The following BCAS3 variants were observed in gnomAD, a reference collection of about 807,000 sequenced individuals.
The protein encoded by BCAS3 is BCAS3 microtubule associated cell migration factor.
BCAS3 carries 53 observed loss-of-function variants against 116.1 expected under a neutral mutation model. The ratio of observed to expected loss-of-function variants is 0.46; its 90% CI spans 0.37 to 0.57. The LOEUF (loss-of-function observed/expected upper bound fraction) is 0.57. Ranked by LOEUF, BCAS3 falls within the 20% of genes least tolerant of loss-of-function variation. The probability of loss-of-function intolerance (pLI) is 0.00; values close to 1 mark genes in which losing one functional copy is unlikely to be tolerated. For missense variants in BCAS3, 917 were observed against 1,165.4 expected (o/e 0.79, Z 3.10); for synonymous variants, 391 against 408.2 (o/e 0.96, Z 0.51).
At position 61,248,403 on chromosome 17, in the gene BCAS3, A is replaced by G. The variant is rs1397265573; in HGVS notation, c.2426-119924A>G. On this transcript the variant is annotated intron_variant, in intron 22 of 23. Coordinates refer to ENST00000407086, the MANE Select transcript of BCAS3 (RefSeq NM_017679.5). This position sits in a 1 kb window ranked among gnomAD's most constrained non-coding sequence, Gnocchi z 4.3. ...AAAGAAAATCTAAAGGACCATTCCTATGATTATTGCAACCCATTTCTCAGG... is the reference window on the plus strand; with the variant it reads ...AAAGAAAATCTAAAGGACCATTCCTGTGATTATTGCAACCCATTTCTCAGG... 6.6e-6 allele frequency among the ~76,000 whole-genome samples: 1 copy of G among 152,214 alleles called. No homozygotes were observed. Among genetic ancestry groups the G allele is most frequent in the Non-Finnish European group, 1.5e-5 (1 of 68,054 alleles).
At chr17:60,792,274 C>A (rs1384291409) in intron 6 of BCAS3, among the ~76,000 whole-genome samples, 2 of 152,234 alleles carry the variant, frequency 1.3e-5, no homozygotes, top group Non-Finnish European at 2.9e-5. Flanking sequence ...GAAGCCCCAC[C>A]TTCTGAGTTG....
At chr17:60,975,546 G>A (rs560375981) in intron 14 of BCAS3, among the ~76,000 whole-genome samples, 1 of 152,250 alleles carries the variant, frequency 6.6e-6, no homozygotes, top group African/African-American at 2.4e-5. Flanking sequence ...ATTTGTTGAG[G>A]TATAATTCAC....
rs200116309 is a variant in BCAS3, at chr17:60,685,814, A to G, written c.138+1778A>G. Among the ~76,000 whole-genome samples the G allele has an allele frequency of 3.9e-5, 6 of 152,118 alleles. No individual in the cohort carries two copies. The East Asian group carries it at 1.2e-3, about 29-fold the overall frequency. On this transcript the variant is annotated intron_variant, in intron 3 of 23. Transcript: ENST00000407086. ...AATGGTGAGACGTCGTCATTTTAGC[A>G]CCTACTGACCATAGGTTGCTTAGGA...
At chr17:61,059,932 C>T (rs1431415286) in intron 19 of BCAS3, among the ~76,000 whole-genome samples, 2 of 151,428 alleles carry the variant, frequency 1.3e-5, no homozygotes, top group Non-Finnish European at 2.9e-5. Flanking sequence ...AAGGCTGAGG[C>T]AGGACAATCT....
chr17:60,780,927 A>G (rs2045769907), intron 6 of BCAS3, among the ~76,000 whole-genome samples: 3 of 152,082 alleles, frequency 2.0e-5, no homozygotes, highest in Admixed American at 1.3e-4. Flanking sequence ...TTGACGCTTT[A>G]AAGTAATTTG....
At chr17:61,133,730 G>T (rs2076460090) in intron 22 of BCAS3, among the ~76,000 whole-genome samples, 1 of 151,818 alleles carries the variant, frequency 6.6e-6, no homozygotes, top group Non-Finnish European at 1.5e-5. Context: ...TTGAGGATCT[G>T]GGAACACATC....
At chr17:60,816,854 A>G (rs1041507810) in intron 7 of BCAS3, among the ~76,000 whole-genome samples, 3 of 152,158 alleles carry the variant, frequency 2.0e-5, no homozygotes, top group Admixed American at 6.5e-5. Flanking sequence ...TGGTGGAGTT[A>G]TGCCGGTTCG....
At chr17:61,117,270 T>C (rs1320791107) in intron 22 of BCAS3, among the ~76,000 whole-genome samples, 1 of 152,180 alleles carries the variant, frequency 6.6e-6, no homozygotes, top group Non-Finnish European at 1.5e-5. Flanking sequence ...TAGCTTTTTA[T>C]TTTAGTTATT....
rs1175865161 is a variant in BCAS3 at position 60,934,122 on chromosome 17, A to AC, written c.1087+9623dup. On this transcript the variant is annotated intron_variant, in intron 13 of 23. Coordinates refer to ENST00000407086, the MANE Select transcript of BCAS3 (RefSeq NM_017679.5). ...GATTTCTTTAAAAGCAGAAAAAAAA[A>AC]CATGGTTTTAAGTTAATAGAATGGA... Among the ~76,000 whole-genome samples, 174 of 152,112 alleles carry AC rather than the reference A, an allele frequency of 1.1e-3. 1 individual carries two copies. Among genetic ancestry groups the AC allele is most frequent in the African/African-American group, 4.1e-3 (169 of 41,454 alleles).
intron 9 of BCAS3, among the ~76,000 whole-genome samples, chr17:60,879,688 T>A (rs2055938062): frequency 6.6e-6 from 1 of 152,226 alleles, no homozygotes; most frequent in Non-Finnish European, 1.5e-5. Context: ...CTTGTTCCAT[T>A]GGCCTCTGTT....
rs2077119613 is a variant in BCAS3, at chr17:61,145,032, G to A, written c.2425+60468G>A. On this transcript the variant is annotated intron_variant, in intron 22 of 23. Coordinates refer to ENST00000407086, the MANE Select transcript of BCAS3 (RefSeq NM_017679.5). The surrounding 1 kb of genome is among the most constrained non-coding windows in gnomAD (Gnocchi z 5.0). ...TAGACCATAACAACTGTTAGAACAA[G>A]ATAACAACTCCAGGCCAGCTGTCAA... Among the ~76,000 whole-genome samples, 1 of 152,116 alleles carries A rather than the reference G, an allele frequency of 6.6e-6. No individual in the cohort carries two copies. The highest frequency in any genetic ancestry group is 2.4e-5 in the African/African-American group (1 of 41,420).
At position 61,082,384 on chromosome 17, in the gene BCAS3, A is replaced by T. The variant is rs879670711; in HGVS notation, c.2328-2083A>T. ...TTCTCTTTTTTTAATTATGAAGAAA[A>T]TTCAAACATGTATAAAATAAAAAGA... On this transcript the variant is annotated intron_variant, in intron 21 of 23. Coordinates refer to ENST00000407086, the MANE Select transcript of BCAS3 (RefSeq NM_017679.5). This position sits in a 1 kb window ranked among gnomAD's most constrained non-coding sequence, Gnocchi z 5.1. 6.6e-6 allele frequency among the ~76,000 whole-genome samples: 1 copy of T among 152,108 alleles called. No individual in the cohort carries two copies. The highest frequency in any genetic ancestry group is 1.5e-5 in the Non-Finnish European group (1 of 68,028).
rs929536916 is a variant in BCAS3, at chr17:61,251,544, T to A, written c.2426-116783T>A. On this transcript the variant is annotated intron_variant, in intron 22 of 23. Coordinates refer to ENST00000407086, the MANE Select transcript of BCAS3 (RefSeq NM_017679.5). This position sits in a 1 kb window ranked among gnomAD's most constrained non-coding sequence, Gnocchi z 4.7. Reference sequence around the variant, plus strand: ...GAGATTGCGCCATTCCACTCCAGCCTGGGCAACAAGAGCGAAACTCCACCT... The same window carrying A: ...GAGATTGCGCCATTCCACTCCAGCCAGGGCAACAAGAGCGAAACTCCACCT... 6.8e-6 allele frequency among the ~76,000 whole-genome samples: 1 copy of A among 147,596 alleles called. No homozygotes were observed. The highest frequency in any genetic ancestry group is 1.5e-5 in the Non-Finnish European group (1 of 67,270).
rs1014147366 is a variant in BCAS3, at chr17:61,019,891, A to G, written c.1637+3990A>G. 1.1e-4 allele frequency among the ~76,000 whole-genome samples: 16 copies of G among 152,196 alleles called. No homozygotes were observed. The highest frequency in any genetic ancestry group is 3.6e-4 in the African/African-American group (15 of 41,450). ...TTTACTCAAGCTTTGCTTTTATAAAATTCCTTTCCTAGTATTTTTAAAATA... is the reference window on the plus strand; with the variant it reads ...TTTACTCAAGCTTTGCTTTTATAAAGTTCCTTTCCTAGTATTTTTAAAATA... On this transcript the variant is annotated intron_variant, in intron 16 of 23. Transcript: ENST00000407086. This position sits in a 1 kb window ranked among gnomAD's most constrained non-coding sequence, Gnocchi z 5.6.
In BCAS3 at chr17:61,388,656, A is replaced by G; in HGVS notation, c.2594-3321A>G. Reference sequence around the variant, plus strand: ...AAAAAAAAAACAATGCCAACAGCCCAGCGTCCGTGAGCAACCCAACAGTAA... The same window carrying G: ...AAAAAAAAAACAATGCCAACAGCCCGGCGTCCGTGAGCAACCCAACAGTAA... On this transcript the variant is annotated intron_variant, in intron 23 of 23. Coordinates refer to ENST00000407086, the MANE Select transcript of BCAS3 (RefSeq NM_017679.5). The surrounding 1 kb of genome is among the most constrained non-coding windows in gnomAD (Gnocchi z 6.5). 6.5e-7 allele frequency: 1 copy of G among 1,545,220 alleles called. No individual in the cohort carries two copies. The highest frequency in any genetic ancestry group is 8.7e-7 in the Non-Finnish European group (1 of 1,152,780).
In BCAS3 at chr17:60,902,626, C is replaced by G. The variant is rs760825301; in HGVS notation, c.745C>G (p.Arg249Gly). 16 of 1,607,840 alleles carry G rather than the reference C, an allele frequency of 1.0e-5. No homozygotes were observed. In the South Asian group the frequency reaches 1.8e-4, roughly 18 times the overall value. ...CTCTCTCTCTTTTTCTCAGTTGATT[C>G]GATGTCATCAGTCCCGTGGTGGAGC... ...WLAYAENKLI[R>G]CHQSRGGACG... Residue 249 changes from arginine (R) to glycine (G), a missense_variant, in exon 11 of 24, where the codon CGA becomes GGA. Arg to Gly is a moderately radical substitution (Grantham distance 125, BLOSUM62 -2). This residue lies in a region of BCAS3 where 807 missense variants were observed against 1,026.0 expected (regional missense o/e 0.79). Transcript: ENST00000407086.
Position 61,181,106 on chromosome 17 carries a change from G to T in BCAS3, c.2425+96542G>T, listed in dbSNP as rs190855387. ...CCCAGAATGGTGGCACACGCCTGTA[G>T]TCTCAGCTACTCAGGAGCTGGGAGG... On this transcript the variant is annotated intron_variant, in intron 22 of 23. Transcript: ENST00000407086. This position sits in a 1 kb window ranked among gnomAD's most constrained non-coding sequence, Gnocchi z 5.0. Among the ~76,000 whole-genome samples, 2 of 152,250 alleles carry T rather than the reference G, an allele frequency of 1.3e-5. No individual in the cohort carries two copies. The highest frequency in any genetic ancestry group is 3.9e-4 in the East Asian group (2 of 5,184).
intron 5 of BCAS3, among the ~76,000 whole-genome samples, chr17:60,710,541 C>T (rs535356139): frequency 2.6e-4 from 40 of 151,462 alleles, no homozygotes; most frequent in Admixed American, 2.1e-3. Context: ...ACGCCATTCT[C>T]CTGCCTCAGC....
chr17:60,899,328 G>T (rs1181911956), intron 10 of BCAS3, among the ~76,000 whole-genome samples: 1 of 152,088 alleles, frequency 6.6e-6, no homozygotes, highest in Non-Finnish European at 1.5e-5. Context: ...CCTCTGCCCA[G>T]CTCGCAACCA....
Sources: gnomAD v4.1 joint callset for allele counts (sites outside exome capture counted in the v4.1 genomes callset) on GRCh38, gnomAD v4.1.1 for gene constraint, gnomAD v4.1.1 regional missense constraint, Gnocchi (gnomAD v3.1) non-coding constraint, MANE v1.5 for transcripts, NCBI Gene and HGNC (gene_info 2026-07-23, HGNC 2026-07-21) for gene names.